The following AP1S3 variants were observed in gnomAD, a reference collection of about 807,000 sequenced individuals.
AP1S3 encodes adaptor related protein complex 1 subunit sigma 3, also known as AP-1 complex subunit sigma-3.
A neutral mutation model predicts 20.9 loss-of-function variants in AP1S3; 10 were observed. The ratio of observed to expected loss-of-function variants is 0.48; its 90% CI spans 0.29 to 0.81. The LOEUF (loss-of-function observed/expected upper bound fraction) is 0.81, where lower values mean the gene tolerates loss of function less well. Ranked by LOEUF, AP1S3 falls within the 30% of genes least tolerant of loss-of-function variation. The pLI is 0.08. For missense variants in AP1S3, 154 were observed against 183.8 expected (o/e 0.84, Z 0.94); for synonymous variants, 41 against 61.5 (o/e 0.67, Z 1.56).
At chr2:223,797,134 G>A (rs564657229) in intron 1 of AP1S3, among the ~76,000 whole-genome samples, 17 of 152,150 alleles carry the variant, frequency 1.1e-4, no homozygotes, top group Non-Finnish European at 1.9e-4. Flanking sequence ...AGTGGGGATC[G>A]GAAGGCAGGT....
chr2:223,763,772 C>T (rs943455478), intron 4 of AP1S3, among the ~76,000 whole-genome samples: 1 of 152,158 alleles, frequency 6.6e-6, no homozygotes, highest in African/African-American at 2.4e-5. Flanking sequence ...CACCAGAGGA[C>T]TGATGCTCTG....
chr2:223,783,186 G>C (rs1228444473), intron 1 of AP1S3, among the ~76,000 whole-genome samples: 1 of 152,096 alleles, frequency 6.6e-6, no homozygotes, highest in Non-Finnish European at 1.5e-5. Context: ...GAACAATGGA[G>C]GGACTCTCCC....
chr2:223,761,599 A>T (rs1690356347), intron 4 of AP1S3, among the ~76,000 whole-genome samples: 1 of 152,086 alleles, frequency 6.6e-6, no homozygotes, highest in South Asian at 2.1e-4. Flanking sequence ...TAATTTTATT[A>T]CTTTTTGTAG....
At chr2:223,828,863 G>A (rs1692193674) in intron 1 of AP1S3, among the ~76,000 whole-genome samples, 1 of 151,934 alleles carries the variant, frequency 6.6e-6, no homozygotes, top group Non-Finnish European at 1.5e-5. Context: ...ATTTTTTTGA[G>A]ACTGAGTCTC....
At chr2:223,785,786 T>C (rs1340652916) in intron 1 of AP1S3, among the ~76,000 whole-genome samples, 1 of 151,670 alleles carries the variant, frequency 6.6e-6, no homozygotes, top group Non-Finnish European at 1.5e-5. Context: ...GGACAGAGGA[T>C]TTTAGGGGAG....
chr2:223,828,884 C>T (rs1226477924), intron 1 of AP1S3, among the ~76,000 whole-genome samples: 1 of 152,114 alleles, frequency 6.6e-6, no homozygotes, highest in Non-Finnish European at 1.5e-5. Context: ...ACTCTGTCAC[C>T]CAGGCTGGAG....
chr2:223,810,343 C>T (rs1202252655), intron 1 of AP1S3, among the ~76,000 whole-genome samples: 2 of 152,104 alleles, frequency 1.3e-5, no homozygotes, highest in African/African-American at 4.8e-5. Context: ...GACAGGGTCT[C>T]CATCTATCAC....
chr2:223,831,613 G>A (rs866424885), intron 1 of AP1S3, among the ~76,000 whole-genome samples: 2 of 152,078 alleles, frequency 1.3e-5, no homozygotes, highest in South Asian at 2.1e-4. Flanking sequence ...AGAAAGTATC[G>A]GGGAAAACTA....
At chr2:223,806,345 G>A (rs1691581022) in intron 1 of AP1S3, among the ~76,000 whole-genome samples, 1 of 144,608 alleles carries the variant, frequency 6.9e-6, no homozygotes, top group African/African-American at 2.6e-5. Context: ...GTGCAGTGGT[G>A]GGATCTCAGC....
chr2:223,796,130 A>C (rs1421107482), intron 1 of AP1S3, among the ~76,000 whole-genome samples: 1 of 152,152 alleles, frequency 6.6e-6, no homozygotes, highest in Non-Finnish European at 1.5e-5. Context: ...CCAAGATCGC[A>C]TCATTGCACT....
At chr2:223,824,551 T>A (rs377682243) in intron 1 of AP1S3, among the ~76,000 whole-genome samples, 1 of 38,970 alleles carries the variant, frequency 2.6e-5, no homozygotes, top group African/African-American at 9.7e-5. Context: ...GCAGGTGGGG[T>A]TTTTTTTTGA....
intron 4 of AP1S3, 50 bp from the exon 5 acceptor site, chr2:223,758,800 TC>T (rs1158416956): frequency 6.7e-7 from 1 of 1,484,816 alleles, no homozygotes; most frequent in Non-Finnish European, 9.3e-7. Flanking sequence ...GTCACAGCCT[TC>T]CGCAGACTGT....
intron 1 of AP1S3, among the ~76,000 whole-genome samples, chr2:223,817,607 C>CA (rs748661983): frequency 0.056 from 4,553 of 81,090 alleles, 135 homozygotes; most frequent in South Asian, 0.1. Context: ...GACTCCGTCT[C>CA]AAAAAAAAAA....
chr2:223,797,623 A>G (rs1320863605), intron 1 of AP1S3, among the ~76,000 whole-genome samples: 1 of 152,036 alleles, frequency 6.6e-6, no homozygotes, highest in African/African-American at 2.4e-5. Flanking sequence ...TTAGCCGGCC[A>G]TGGTTATAGG....
intron 3 of AP1S3, among the ~76,000 whole-genome samples, chr2:223,774,547 G>T (rs373531940): frequency 1.2e-4 from 19 of 152,108 alleles, no homozygotes; most frequent in South Asian, 4.2e-4. Context: ...CCTATATCTG[G>T]TTTTTTTAAG....
chr2:223,806,803 C>G (rs1691593675), intron 1 of AP1S3, among the ~76,000 whole-genome samples: 1 of 152,022 alleles, frequency 6.6e-6, no homozygotes, highest in African/African-American at 2.4e-5. Context: ...TCATGTTTAT[C>G]TTTATAACAT....
At chr2:223,803,548 T>C (rs780851423) in intron 1 of AP1S3, among the ~76,000 whole-genome samples, 9 of 152,178 alleles carry the variant, frequency 5.9e-5, no homozygotes, top group Admixed American at 1.3e-4. Flanking sequence ...GCCTTTGTGA[T>C]GAAAATTGTA....
chr2:223,828,721 T>G (rs924682994), intron 1 of AP1S3, among the ~76,000 whole-genome samples: 1 of 152,204 alleles, frequency 6.6e-6, no homozygotes, highest in South Asian at 2.1e-4. Context: ...CTGGTTTCTG[T>G]GGACACAGGG....
intron 1 of AP1S3, among the ~76,000 whole-genome samples, chr2:223,803,442 GT>G (rs1286108539): frequency 3.3e-5 from 5 of 152,120 alleles, no homozygotes; most frequent in Non-Finnish European, 7.4e-5. Flanking sequence ...CAACTCATTG[GT>G]TTTTTCCTAA....
Sources: allele counts gnomAD v4.1 joint callset (sites outside exome capture counted in the v4.1 genomes callset), GRCh38; gene constraint gnomAD v4.1.1; transcripts MANE v1.5; gene names NCBI Gene and HGNC (gene_info 2026-07-23, HGNC 2026-07-21).